PCMTD1: variants seen among roughly 807,000 people sequenced by gnomAD.
PCMTD1 encodes the protein protein-L-isoaspartate (D-aspartate) O-methyltransferase domain containing 1.
Under a neutral mutation model 37.6 loss-of-function variants are expected in PCMTD1, and 12 were observed. The observed-to-expected ratio is 0.32, with a 90% CI of 0.20 to 0.52. The LOEUF (loss-of-function observed/expected upper bound fraction) is 0.52. Ranked by LOEUF, PCMTD1 falls within the 20% of genes least tolerant of loss-of-function variation. The probability of loss-of-function intolerance (pLI) is 0.97; values close to 1 mark genes in which losing one functional copy is unlikely to be tolerated. For missense variants in PCMTD1, 235 were observed against 421.3 expected, an observed-to-expected ratio of 0.56 and a Z score of 3.87; for synonymous variants, 117 against 135.8, an observed-to-expected ratio of 0.86 and a Z score of 0.96.
chr8:51,839,501 G>A lies in PCMTD1; in HGVS notation c.411-5812C>T, dbSNP rs541140832. ...GTTGGAATATCTTCATCTTGAGATG[G>A]ACAGATGATTTCGTTCACAGCAGGG... On this transcript the variant is annotated intron_variant, in intron 3 of 5. Transcript: ENST00000522514. 6 of 985,372 alleles carry A rather than the reference G, an allele frequency of 6.1e-6. No individual in the cohort carries two copies. The East Asian group carries it at 4.5e-4, about 75-fold the overall frequency. The allele number at this position is 985,372 out of a possible 1,614,324, so 61.0% of individuals were successfully genotyped here. A position where few individuals can be genotyped will look rare whatever the true frequency, so the allele number is the denominator to read the frequency against.
At chr8:51,882,491 T>C (rs2038805202) in intron 1 of PCMTD1, among the ~76,000 whole-genome samples, 1 of 152,146 alleles carries the variant, frequency 6.6e-6, no homozygotes, top group Non-Finnish European at 1.5e-5. Flanking sequence ...CTCTGTATCA[T>C]CTCTCCACAA....
chr8:51,893,250 A>T (rs1175897085), intron 1 of PCMTD1, among the ~76,000 whole-genome samples: 1 of 152,194 alleles, frequency 6.6e-6, no homozygotes, highest in Non-Finnish European at 1.5e-5. Context: ...AGAATTAATT[A>T]CTTATTAGTT....
chr8:51,875,008 T>C (rs1208039069), intron 1 of PCMTD1, among the ~76,000 whole-genome samples: 1 of 152,184 alleles, frequency 6.6e-6, no homozygotes, highest in Non-Finnish European at 1.5e-5. Context: ...AGTTGCAAGT[T>C]ATATATTCTC....
upstream of PCMTD1, chr8:51,899,090 G>C: frequency 3.4e-6 from 5 of 1,478,274 alleles, no homozygotes; most frequent in South Asian, 5.1e-5. Flanking sequence ...CCCGGACTCC[G>C]GAGCCGCCGG....
chr8:51,889,792 T>C (rs1022315), intron 1 of PCMTD1, among the ~76,000 whole-genome samples: 104,511 of 151,998 alleles, frequency 0.69, 42,387 homozygotes, highest in Non-Finnish European at 0.9. Flanking sequence ...AAAGGGAATG[T>C]CATTTATATT....
At chr8:51,859,096 C>A (rs1470695820) in intron 2 of PCMTD1, among the ~76,000 whole-genome samples, 1 of 152,146 alleles carries the variant, frequency 6.6e-6, no homozygotes, top group Non-Finnish European at 1.5e-5. Flanking sequence ...CCTCCCTCAG[C>A]ACGAGCCAGT....
intron 1 of PCMTD1, among the ~76,000 whole-genome samples, chr8:51,892,708 G>GT (rs937603836): frequency 1.3e-5 from 2 of 151,028 alleles, no homozygotes; most frequent in South Asian, 2.1e-4. Context: ...GGCTGAAATT[G>GT]TTTTTTTAAG....
intron 2 of PCMTD1, among the ~76,000 whole-genome samples, chr8:51,852,741 C>CACA (rs2038326389): frequency 6.6e-6 from 1 of 152,028 alleles, no homozygotes; most frequent in Non-Finnish European, 1.5e-5. Flanking sequence ...GTTACCTACT[C>CACA]CAGAAAATAA....
chr8:51,826,908 A>G (rs1351032078), intron 5 of PCMTD1: 1 of 880,724 alleles, frequency 1.1e-6, no homozygotes, highest in African/African-American at 1.8e-5. Context: ...TTAGTGGTGA[A>G]TCAAGATGAA....
intron 1 of PCMTD1, among the ~76,000 whole-genome samples, chr8:51,876,395 C>A (rs2038713567): frequency 2.0e-5 from 3 of 151,500 alleles, no homozygotes; most frequent in East Asian, 1.9e-4. Context: ...AACACACACA[C>A]AAAAAAAAAT....
At chr8:51,878,258 T>TTTTG (rs2038742745) in intron 1 of PCMTD1, among the ~76,000 whole-genome samples, 1 of 149,920 alleles carries the variant, frequency 6.7e-6, no homozygotes, top group South Asian at 2.1e-4. Flanking sequence ...TGGTTTTTTT[T>TTTTG]TTTTTTTAGC....
chr8:51,827,449 T>C (rs1385938524), intron 5 of PCMTD1: 2 of 416,314 alleles, frequency 4.8e-6, no homozygotes, highest in Non-Finnish European at 9.3e-6. Context: ...TATAATTGCA[T>C]GCTATCCTGC....
intron 3 of PCMTD1, among the ~76,000 whole-genome samples, chr8:51,842,996 C>G (rs559788822): frequency 6.6e-6 from 1 of 152,168 alleles, no homozygotes; most frequent in East Asian, 1.9e-4. Context: ...TTAAATAAAA[C>G]TGCTTAGAAA....
intron 2 of PCMTD1, among the ~76,000 whole-genome samples, chr8:51,857,670 TA>T (rs558907423): frequency 1.8e-4 from 28 of 152,200 alleles, no homozygotes; most frequent in African/African-American, 6.7e-4. Context: ...TCAGGGAAAA[TA>T]TTTAAGGAGA....
intron 1 of PCMTD1, among the ~76,000 whole-genome samples, chr8:51,897,291 C>T (rs1384623116): frequency 6.6e-6 from 1 of 152,188 alleles, no homozygotes; most frequent in Non-Finnish European, 1.5e-5. Context: ...TTCTGTCTTA[C>T]TTAATAGTAG....
chr8:51,856,424 T>C (rs1410603853), intron 2 of PCMTD1, among the ~76,000 whole-genome samples: 1 of 152,208 alleles, frequency 6.6e-6, no homozygotes, highest in Non-Finnish European at 1.5e-5. Context: ...TGGAAAATGG[T>C]GCAGCCACTC....
intron 3 of PCMTD1, among the ~76,000 whole-genome samples, chr8:51,839,096 GAA>G (rs5891436): frequency 3.3e-5 from 5 of 149,854 alleles, no homozygotes; most frequent in Non-Finnish European, 7.4e-5. Flanking sequence ...TTTATTCTTT[GAA>G]AAAAAAAATG....
chr8:51,841,662 A>C (rs2038148644), intron 3 of PCMTD1, among the ~76,000 whole-genome samples: 1 of 98,324 alleles, frequency 1.0e-5, no homozygotes, highest in African/African-American at 2.5e-5. Flanking sequence ...ATACTCTTCT[A>C]ATAAAGCTGG....
chr8:51,873,710 C>G (rs1022733388), intron 1 of PCMTD1, among the ~76,000 whole-genome samples: 1 of 152,032 alleles, frequency 6.6e-6, no homozygotes, highest in Non-Finnish European at 1.5e-5. Context: ...CCTCCCCCTA[C>G]GCTCTCTGGC....
Sources: allele counts gnomAD v4.1 joint callset (sites outside exome capture counted in the v4.1 genomes callset), GRCh38; gene constraint gnomAD v4.1.1; transcripts MANE v1.5; gene names NCBI Gene and HGNC (gene_info 2026-07-23, HGNC 2026-07-21).